Variants in CD109 observed in about 807,000 individuals in gnomAD.
CD109 encodes the protein CD109 antigen.
In CD109, 149 loss-of-function variants were observed where a neutral mutation model predicts 165.8. The observed-to-expected ratio is 0.90, with a 90% CI of 0.79 to 1.03. The LOEUF (loss-of-function observed/expected upper bound fraction) is 1.03, where lower values mean the gene tolerates loss of function less well. CD109 is among the 50% of genes least tolerant of loss of function. The pLI, the probability that CD109 is intolerant of heterozygous loss-of-function variation, is 0.00. For missense variants in CD109, 1,712 were observed against 1,677.8 expected (o/e 1.02, Z -0.36); for synonymous variants, 585 against 592.1 (o/e 0.99, Z 0.18).
the CD109 span, among the ~76,000 whole-genome samples, chr6:73,688,759 T>TTG: frequency 7.6e-6 from 1 of 131,246 alleles, no homozygotes; most frequent in Non-Finnish European, 1.6e-5. Flanking sequence ...GAGTTTTTCT[T>TTG]TGTTTTTTTT....
At chr6:73,697,947 G>T (rs893838274) in intron 2 of CD109, among the ~76,000 whole-genome samples, 1 of 152,178 alleles carries the variant, frequency 6.6e-6, no homozygotes, top group Non-Finnish European at 1.5e-5. Context: ...AAGGGAGGCT[G>T]GGAAGTGTAG....
At chr6:73,701,178 G>C (rs923157028) in intron 2 of CD109, among the ~76,000 whole-genome samples, 1 of 149,664 alleles carries the variant, frequency 6.7e-6, no homozygotes, top group African/African-American at 2.5e-5. Context: ...GCAGAGTTCT[G>C]GGAAGGTGTA....
At position 73,791,136 on chromosome 6, in the gene CD109, C is replaced by CACACACACATAT. The variant is rs1478783898; in HGVS notation, c.2702-1489_2702-1488insCACACACATATA. Among the ~76,000 whole-genome samples, 61 of 56,310 alleles carry CACACACACATAT rather than the reference C, an allele frequency of 1.1e-3. 4 individuals are homozygous for CACACACACATAT. Among genetic ancestry groups the CACACACACATAT allele is most frequent in the African/African-American group, 3.8e-3 (40 of 10,424 alleles). 36.9% of individuals were successfully genotyped at this position (56,310 alleles called of 152,430 possible). On this transcript the variant is annotated intron_variant, in intron 22 of 32. Transcript: ENST00000287097. ...TTGGAGGCATATATATACATACATA[C>CACACACACATAT]ATATATATATATATATATATATATA...
chr6:73,811,150 G>A lies in CD109; in HGVS notation c.3702+3G>A. 1.2e-6 allele frequency: 2 copies of A among 1,610,228 alleles called. No homozygotes were observed. Among genetic ancestry groups the A allele is most frequent in the Middle Eastern group, 1.7e-4 (1 of 6,024 alleles). On this transcript the variant is annotated splice_donor_region_variant and intron_variant, in intron 28 of 32. Coordinates refer to ENST00000287097, the MANE Select transcript of CD109 (RefSeq NM_133493.5). ...GCTTACTCCTTCAGACAGCAGAGGT[G>A]TGGGCAAGGGGCAGTTATTTAAAAA...
chr6:73,696,080 G>A (rs1156448304), upstream of CD109: 2 of 795,738 alleles, frequency 2.5e-6, no homozygotes, highest in South Asian at 1.5e-5. Flanking sequence ...TCACTCTGCT[G>A]TTAGGCGCGC....
chr6:73,710,979 A>T (rs2150155903), intron 2 of CD109, among the ~76,000 whole-genome samples: 1 of 152,338 alleles, frequency 6.6e-6, no homozygotes, highest in South Asian at 2.1e-4. Context: ...TTTACTTATC[A>T]TGAAATATTC....
At chr6:73,763,992 CAA>C (rs1562053359) in intron 10 of CD109, among the ~76,000 whole-genome samples, 3 of 151,970 alleles carry the variant, frequency 2.0e-5, no homozygotes. Context: ...ACATGGTAGT[CAA>C]AAATTTCAAT....
chr6:73,794,766 G>A lies in CD109; in HGVS notation c.2878+1964G>A, dbSNP rs186846662. Among the ~76,000 whole-genome samples, 96 of 152,220 alleles carry A rather than the reference G, an allele frequency of 6.3e-4. 1 individual carries two copies. The highest frequency in any genetic ancestry group is 1.1e-3 in the Non-Finnish European group (73 of 68,006). ...GCCAGACCATGCAGACACTATGACC[G>A]GCCCTGAAATGCACCAGGTGGTTAG... is the stretch of plus-strand genomic sequence containing the variant. On this transcript the variant is annotated intron_variant, in intron 23 of 32. Coordinates refer to ENST00000287097, the MANE Select transcript of CD109 (RefSeq NM_133493.5).
At chr6:73,823,175 G>A (rs1776157888) in intron 32 of CD109, among the ~76,000 whole-genome samples, 1 of 152,210 alleles carries the variant, frequency 6.6e-6, no homozygotes, top group Admixed American at 6.5e-5. Flanking sequence ...AGATTAAAGT[G>A]GTGCTTGTGA....
At chr6:73,720,977 G>A (rs1471905335) in intron 2 of CD109, among the ~76,000 whole-genome samples, 1 of 152,142 alleles carries the variant, frequency 6.6e-6, no homozygotes, top group Non-Finnish European at 1.5e-5. Context: ...TTGCTCATAT[G>A]GCTAATTTCT....
At position 73,696,298 on chromosome 6, in the gene CD109, G is replaced by A; in HGVS notation, c.74+9G>A. 3 of 1,496,842 alleles carry A rather than the reference G, an allele frequency of 2.0e-6. No individual in the cohort carries two copies. Among genetic ancestry groups the A allele is most frequent in the Non-Finnish European group, 2.6e-6 (3 of 1,132,108 alleles). The allele number at this position is 1,496,842 out of a possible 1,614,324, so 92.7% of individuals were successfully genotyped here. A position where few individuals can be genotyped will look rare whatever the true frequency, so the allele number is the denominator to read the frequency against. ...CTGGCCGTGGCTCCCGGGTAGGAAC[G>A]TGGGCGCGCGGGGGGCGCGCGGGCG... On this transcript the variant is annotated intron_variant, in intron 1 of 32. Coordinates refer to ENST00000287097, the MANE Select transcript of CD109 (RefSeq NM_133493.5).
chr6:73,765,012 G>C (rs878963238), intron 10 of CD109, among the ~76,000 whole-genome samples: 1 of 152,124 alleles, frequency 6.6e-6, no homozygotes, highest in South Asian at 2.1e-4. Context: ...GCGTTCAGAG[G>C]GGGAGAGTTG....
chr6:73,778,388 A>AT (rs1262396276), intron 15 of CD109, among the ~76,000 whole-genome samples: 1 of 152,010 alleles, frequency 6.6e-6, no homozygotes, highest in African/African-American at 2.4e-5. Context: ...CCTTTGTTTC[A>AT]TTTTTTCTTT....
At chr6:73,729,356 G>T (rs1268955928) in intron 3 of CD109, among the ~76,000 whole-genome samples, 1 of 150,954 alleles carries the variant, frequency 6.6e-6, no homozygotes, top group Non-Finnish European at 1.5e-5. Flanking sequence ...GTGTGTGTGT[G>T]TGTAGTGTGT....
At chr6:73,703,605 G>T (rs1012798420) in intron 2 of CD109, among the ~76,000 whole-genome samples, 28 of 152,198 alleles carry the variant, frequency 1.8e-4, no homozygotes, top group Non-Finnish European at 2.9e-4. Flanking sequence ...GGAGAGCTGA[G>T]CTTAAGACCT....
intron 10 of CD109, among the ~76,000 whole-genome samples, chr6:73,765,347 G>C (rs530301279): frequency 1.3e-5 from 2 of 152,120 alleles, no homozygotes; most frequent in East Asian, 1.9e-4. Flanking sequence ...ATTGGATTTG[G>C]GGGGTGGGGA....
chr6:73,775,248 C>T (rs1774199247), intron 15 of CD109, among the ~76,000 whole-genome samples: 1 of 151,810 alleles, frequency 6.6e-6, no homozygotes. Context: ...TTATGGAATA[C>T]ATATAGGCAG....
intron 10 of CD109, among the ~76,000 whole-genome samples, chr6:73,765,592 C>T (rs1773804373): frequency 6.6e-6 from 1 of 151,956 alleles, no homozygotes; most frequent in Admixed American, 6.6e-5. Context: ...AATAGGATTG[C>T]TGAGACCTTG....
chr6:73,713,661 A>G (rs1481209889), intron 2 of CD109, among the ~76,000 whole-genome samples: 1 of 152,158 alleles, frequency 6.6e-6, no homozygotes, highest in Non-Finnish European at 1.5e-5. Context: ...TGCTCGTCCA[A>G]CTTCTCTCTG....
Sources: gnomAD v4.1 joint callset for allele counts (sites outside exome capture counted in the v4.1 genomes callset) on GRCh38, gnomAD v4.1.1 for gene constraint, MANE v1.5 for transcripts, NCBI Gene and HGNC (gene_info 2026-07-23, HGNC 2026-07-21) for gene names.